CTNND2: variants seen among roughly 807,000 people sequenced by gnomAD.
CTNND2 encodes the protein catenin delta-2.
CTNND2 carries 22 observed loss-of-function variants against 144.4 expected under a neutral mutation model. The ratio of observed to expected loss-of-function variants is 0.15; its 90% CI spans 0.11 to 0.22. CTNND2 has a LOEUF of 0.22. CTNND2 is among the 10% of genes least tolerant of loss of function. The pLI is 1.00. For missense variants in CTNND2, 1,353 were observed against 1,618.8 expected, an observed-to-expected ratio of 0.84 and a Z score of 2.82; for synonymous variants, 751 against 695.6, an observed-to-expected ratio of 1.08 and a Z score of -1.25.
intron 2 of CTNND2, among the ~76,000 whole-genome samples, chr5:11,618,481 C>T (rs1465980635): frequency 3.3e-5 from 5 of 152,206 alleles, no homozygotes; most frequent in Admixed American, 6.5e-5. Context: ...CTGCTAATTG[C>T]TCCTAGGAAA....
intron 11 of CTNND2, among the ~76,000 whole-genome samples, chr5:11,181,627 A>G (rs1734967045): frequency 6.6e-6 from 1 of 151,962 alleles, no homozygotes; most frequent in African/African-American, 2.4e-5. Flanking sequence ...GCTGTGTGAT[A>G]GCCAAAAACC....
intron 3 of CTNND2, among the ~76,000 whole-genome samples, chr5:11,414,768 T>C (rs113759936): frequency 0.16 from 23,916 of 152,096 alleles, 4,199 homozygotes; most frequent in African/African-American, 0.44. Flanking sequence ...CACTCTCAAA[T>C]AGACCCCAGT....
At chr5:11,018,249 C>A (rs144367720) in intron 17 of CTNND2, among the ~76,000 whole-genome samples, 191 bp from the exon 18 acceptor site, 1 of 152,080 alleles carries the variant, frequency 6.6e-6, no homozygotes, top group Non-Finnish European at 1.5e-5. Flanking sequence ...AGACAGCAAC[C>A]GTAATCAAGA....
chr5:11,325,304 A>G (rs1752422496), intron 9 of CTNND2, among the ~76,000 whole-genome samples: 1 of 152,046 alleles, frequency 6.6e-6, no homozygotes, highest in Admixed American at 6.6e-5. Context: ...TATAACATAT[A>G]TATATCCCTT....
intron 15 of CTNND2, among the ~76,000 whole-genome samples, chr5:11,097,811 T>C (rs1258167923): frequency 2.0e-5 from 3 of 152,218 alleles, no homozygotes; most frequent in South Asian, 4.1e-4. Flanking sequence ...TAATGGAACA[T>C]GCATGGCAGA....
At chr5:11,786,447 A>G (rs1039400173) in intron 1 of CTNND2, among the ~76,000 whole-genome samples, 8 of 152,210 alleles carry the variant, frequency 5.3e-5, no homozygotes, top group African/African-American at 1.7e-4. Flanking sequence ...TTCCCTAGGT[A>G]TCTAACCCAG....
intron 6 of CTNND2, among the ~76,000 whole-genome samples, chr5:11,393,063 A>G (rs1218629070): frequency 6.6e-6 from 1 of 152,202 alleles, no homozygotes; most frequent in Non-Finnish European, 1.5e-5. Context: ...CAATGAACAC[A>G]CTTCCTTCTG....
At chr5:11,244,307 G>C (rs1264093922) in intron 9 of CTNND2, among the ~76,000 whole-genome samples, 1 of 99,402 alleles carries the variant, frequency 1.0e-5, no homozygotes, top group Non-Finnish European at 1.9e-5. Context: ...TTTTTTTTGA[G>C]ACAGTCTTAC....
intron 9 of CTNND2, among the ~76,000 whole-genome samples, chr5:11,332,363 G>A (rs1753259064): frequency 6.6e-6 from 1 of 151,894 alleles, no homozygotes; most frequent in Admixed American, 6.6e-5. Flanking sequence ...CATGAGGCCT[G>A]GGTGCTGCCT....
intron 21 of CTNND2, among the ~76,000 whole-genome samples, chr5:10,976,672 C>T (rs1219082262): frequency 6.6e-6 from 1 of 152,188 alleles, no homozygotes; most frequent in Non-Finnish European, 1.5e-5. Flanking sequence ...AGAATATTCA[C>T]TCTAAATTAT....
chr5:11,527,143 G>C (rs1773325094), intron 3 of CTNND2, among the ~76,000 whole-genome samples: 1 of 152,092 alleles, frequency 6.6e-6, no homozygotes, highest in African/African-American at 2.4e-5. Flanking sequence ...GAAATGGATA[G>C]AGTGATGGTT....
intron 5 of CTNND2, among the ~76,000 whole-genome samples, chr5:11,401,692 G>T (rs1760665614): frequency 2.0e-5 from 3 of 152,276 alleles, no homozygotes; most frequent in South Asian, 4.1e-4. Context: ...AGCGAGGAAG[G>T]TACAACCATT....
chr5:11,477,245 A>G (rs1197697912), intron 3 of CTNND2, among the ~76,000 whole-genome samples: 1 of 152,154 alleles, frequency 6.6e-6, no homozygotes, highest in Non-Finnish European at 1.5e-5. Flanking sequence ...TACATGGCCT[A>G]TTCTTAGAAA....
In CTNND2 at chr5:11,116,302, G is replaced by A. The variant is rs193032088; in HGVS notation, c.2277+1148C>T. Reference sequence around the variant, plus strand: ...AGACACTGTTGTTTGTTACTGGGGTGGGGATGGGGGCTGCTACTGGTATCC... The same window carrying A: ...AGACACTGTTGTTTGTTACTGGGGTAGGGATGGGGGCTGCTACTGGTATCC... On this transcript the variant is annotated intron_variant, in intron 13 of 21. Transcript: ENST00000304623. 2.9e-4 allele frequency among the ~76,000 whole-genome samples: 44 copies of A among 152,322 alleles called. 1 individual carries two copies. The highest frequency in any genetic ancestry group is 1.7e-3 in the South Asian group (8 of 4,824).
intron 2 of CTNND2, among the ~76,000 whole-genome samples, chr5:11,573,721 G>T (rs1236310160): frequency 6.6e-6 from 1 of 152,122 alleles, no homozygotes; most frequent in Non-Finnish European, 1.5e-5. Context: ...CAGCAAGGCA[G>T]CAGATGACAG....
At chr5:11,224,247 T>C (rs1740094630) in intron 10 of CTNND2, among the ~76,000 whole-genome samples, 1 of 152,164 alleles carries the variant, frequency 6.6e-6, no homozygotes, top group Non-Finnish European at 1.5e-5. Context: ...GCCCAATAAT[T>C]CCTGAGTGTG....
chr5:11,856,993 C>A (rs547192577), intron 1 of CTNND2, among the ~76,000 whole-genome samples: 61 of 152,260 alleles, frequency 4.0e-4, no homozygotes, highest in Non-Finnish European at 7.8e-4. Context: ...TGCATGCAGA[C>A]ATATGAATGT....
At chr5:11,673,041 T>A (rs1167253987) in intron 2 of CTNND2, among the ~76,000 whole-genome samples, 1 of 152,128 alleles carries the variant, frequency 6.6e-6, no homozygotes, top group Non-Finnish European at 1.5e-5. Context: ...CCGGAGCTGA[T>A]CTATGAAACT....
chr5:11,649,132 C>A (rs1288648203), intron 2 of CTNND2, among the ~76,000 whole-genome samples: 1 of 152,096 alleles, frequency 6.6e-6, no homozygotes, highest in Non-Finnish European at 1.5e-5. Context: ...ATTGTATTAA[C>A]AGCTTTATTT....
Sources: gnomAD v4.1 joint callset for allele counts (sites outside exome capture counted in the v4.1 genomes callset) on GRCh38, gnomAD v4.1.1 for gene constraint, MANE v1.5 for transcripts, NCBI Gene and HGNC (gene_info 2026-07-23, HGNC 2026-07-21) for gene names.